The following RAP1A variants were observed in gnomAD, a reference collection of about 807,000 sequenced individuals.
RAP1A encodes the protein RAP1A, member of RAS oncogene family.
Under a neutral mutation model 26.4 loss-of-function variants are expected in RAP1A, and 6 were observed. That is an observed-to-expected ratio of 0.23 (90% CI 0.12 to 0.45). The LOEUF is 0.45. RAP1A is among the 20% of genes least tolerant of loss of function. The pLI is 0.99. For missense variants in RAP1A, 121 were observed against 217.2 expected (o/e 0.56, Z 2.78); for synonymous variants, 73 against 79.4 (o/e 0.92, Z 0.43).
intron 1 of RAP1A, among the ~76,000 whole-genome samples, chr1:111,624,052 A>G (rs2763852): frequency 0.87 from 131,955 of 152,220 alleles, 57,423 homozygotes; most frequent in African/African-American, 0.92. Context: ...TTAATATTGG[A>G]ATACATTTGA....
rs5777071 is a variant in RAP1A at position 111,655,266 on chromosome 1, CAA to C, written c.-28+35342_-28+35343del. On this transcript the variant is annotated intron_variant, in intron 1 of 7. Transcript: ENST00000369709. Reference sequence around the variant, plus strand: ...AAGAAAAAAAAACAATGCAATAAAACAAAAAAAAAAACAACAGAAATTAACTT... The same window carrying C: ...AAGAAAAAAAAACAATGCAATAAAACAAAAAAAAACAACAGAAATTAACTT... Among the ~76,000 whole-genome samples, 84 of 142,182 alleles carry C rather than the reference CAA, an allele frequency of 5.9e-4. 1 individual carries two copies. Among genetic ancestry groups the C allele is most frequent in the Middle Eastern group, 3.6e-3 (1 of 280 alleles). The allele number at this position is 142,182 out of a possible 152,430, so 93.3% of individuals were successfully genotyped here. A position where few individuals can be genotyped will look rare whatever the true frequency, so the allele number is the denominator to read the frequency against.
intron 1 of RAP1A, among the ~76,000 whole-genome samples, chr1:111,603,419 T>C (rs563727621): frequency 6.6e-6 from 1 of 152,222 alleles, no homozygotes; most frequent in South Asian, 2.1e-4. Flanking sequence ...TGGCCAACCT[T>C]AGAATGCTGT....
chr1:111,580,437 A>G (rs1038602678), intron 1 of RAP1A, among the ~76,000 whole-genome samples: 1 of 152,198 alleles, frequency 6.6e-6, no homozygotes, highest in African/African-American at 2.4e-5. Flanking sequence ...TAGGTTTAGT[A>G]CTCAAAAGAG....
intron 5 of RAP1A, 150 bp downstream of exon 5, chr1:111,703,626 C>T (rs1662091319): frequency 1.9e-5 from 12 of 644,514 alleles, no homozygotes; most frequent in Admixed American, 3.8e-5. Flanking sequence ...ATTTAACTTT[C>T]AAAATTAACC....
At chr1:111,592,934 C>T (rs1387339449) in intron 1 of RAP1A, among the ~76,000 whole-genome samples, 1 of 152,040 alleles carries the variant, frequency 6.6e-6, no homozygotes, top group Non-Finnish European at 1.5e-5. Context: ...AATGAGTCAC[C>T]ACACTTCCAC....
intron 1 of RAP1A, among the ~76,000 whole-genome samples, chr1:111,685,339 A>G (rs1006500361): frequency 2.6e-5 from 4 of 152,170 alleles, no homozygotes; most frequent in African/African-American, 9.7e-5. Flanking sequence ...CGAACAGGCA[A>G]CCTACAGAAT....
intron 1 of RAP1A, among the ~76,000 whole-genome samples, chr1:111,640,789 GTC>G (rs2101118274): frequency 6.6e-6 from 1 of 152,144 alleles, no homozygotes; most frequent in Admixed American, 6.5e-5. Context: ...GTGAGACCCT[GTC>G]TCTACAAAAA....
intron 1 of RAP1A, among the ~76,000 whole-genome samples, chr1:111,576,615 G>A (rs1242574030): frequency 6.6e-6 from 1 of 152,186 alleles, no homozygotes; most frequent in Non-Finnish European, 1.5e-5. Context: ...GTACAGGGGC[G>A]GCATTTGCTG....
At position 111,549,971 on chromosome 1, in the gene RAP1A, TG is replaced by T. The variant is rs1251516067; in HGVS notation, c.-28+7464del. On this transcript the variant is annotated intron_variant, in intron 1 of 7. Transcript: ENST00000356415. ...CCAGCCTTGTTTTGGGTTTTTTTGT[TG>T]GAAGTTTTTTGATTACTGATTCAAT... Among the ~76,000 whole-genome samples the T allele has an allele frequency of 2.0e-5, 3 of 152,278 alleles. No individual in the cohort carries two copies. In the East Asian group the frequency reaches 5.8e-4, roughly 29 times the overall value.
Position 111,597,220 on chromosome 1 carries a change from C to T in RAP1A, c.-28+54711C>T, listed in dbSNP as rs546248253. 7.8e-4 allele frequency among the ~76,000 whole-genome samples: 118 copies of T among 152,238 alleles called. 1 individual carries two copies. The Middle Eastern group carries it at 0.014, about 18-fold the overall frequency. On this transcript the variant is annotated intron_variant, in intron 1 of 7. Transcript: ENST00000356415. ...CCTTTTTTCCCCTGTCATTGCAGCA[C>T]GGAGTGAAGAAAAACTTTATTTTTC... is the stretch of plus-strand genomic sequence containing the variant.
intron 1 of RAP1A, among the ~76,000 whole-genome samples, chr1:111,653,465 T>G (rs1304486592): frequency 6.6e-6 from 1 of 151,924 alleles, no homozygotes; most frequent in Non-Finnish European, 1.5e-5. Flanking sequence ...GCGGATCACC[T>G]GAGGTTGGGA....
At chr1:111,581,375 T>C (rs1237611808) in intron 1 of RAP1A, among the ~76,000 whole-genome samples, 4 of 152,264 alleles carry the variant, frequency 2.6e-5, no homozygotes. Flanking sequence ...TCTGGAAACA[T>C]TTTTGGCTGT....
At chr1:111,610,775 G>A (rs1658913411) in intron 1 of RAP1A, among the ~76,000 whole-genome samples, 1 of 152,180 alleles carries the variant, frequency 6.6e-6, no homozygotes, top group South Asian at 2.1e-4. Flanking sequence ...GTATATAGTC[G>A]TTCTTCTACT....
chr1:111,601,958 T>A (rs1658680585), intron 1 of RAP1A, among the ~76,000 whole-genome samples: 1 of 152,186 alleles, frequency 6.6e-6, no homozygotes, highest in Non-Finnish European at 1.5e-5. Context: ...TACTGACAAG[T>A]GATTCAGGGT....
intron 1 of RAP1A, among the ~76,000 whole-genome samples, chr1:111,671,119 C>G (rs761762247): frequency 6.6e-6 from 1 of 152,114 alleles, no homozygotes; most frequent in Admixed American, 6.5e-5. Context: ...AGGGGAAATG[C>G]GTAAACCTGA....
intron 1 of RAP1A, among the ~76,000 whole-genome samples, chr1:111,666,734 G>A (rs978744547): frequency 2.6e-5 from 4 of 152,112 alleles, no homozygotes; most frequent in African/African-American, 9.7e-5. Context: ...TTGACTCAAA[G>A]GGGTCAGGGA....
At chr1:111,609,164 A>T (rs1658874540) in intron 1 of RAP1A, among the ~76,000 whole-genome samples, 2 of 152,126 alleles carry the variant, frequency 1.3e-5, no homozygotes, top group South Asian at 4.1e-4. Context: ...CAGCAAGATG[A>T]TCCATTTCAG....
chr1:111,606,079 G>T (rs1164592941), intron 1 of RAP1A, among the ~76,000 whole-genome samples: 2 of 152,170 alleles, frequency 1.3e-5, no homozygotes, highest in African/African-American at 4.8e-5. Flanking sequence ...GGACTCAGGA[G>T]CCATAAGAAA....
At chr1:111,627,157 T>C (rs1435881909) in intron 1 of RAP1A, among the ~76,000 whole-genome samples, 1 of 152,184 alleles carries the variant, frequency 6.6e-6, no homozygotes, top group Non-Finnish European at 1.5e-5. Context: ...AAATGTTAAG[T>C]GTAAAGAATA....
Sources: allele counts gnomAD v4.1 joint callset (sites outside exome capture counted in the v4.1 genomes callset), GRCh38; gene constraint gnomAD v4.1.1; transcripts MANE v1.5; gene names NCBI Gene and HGNC (gene_info 2026-07-23, HGNC 2026-07-21).